GNPNAT1: variants seen among roughly 807,000 people sequenced by gnomAD.
GNPNAT1 encodes the protein glucosamine 6-phosphate N-acetyltransferase.
A neutral mutation model predicts 19.8 loss-of-function variants in GNPNAT1; 11 were observed. The observed-to-expected ratio is 0.56, with a 90% confidence interval of 0.35 to 0.92. GNPNAT1 has a LOEUF of 0.92. Ranked by LOEUF, GNPNAT1 falls within the 40% of genes least tolerant of loss-of-function variation. The pLI, the probability that GNPNAT1 is intolerant of heterozygous loss-of-function variation, is 0.01. For missense variants in GNPNAT1, 157 were observed against 211.0 expected (o/e 0.74, Z 1.59); for synonymous variants, 71 against 72.3 (o/e 0.98, Z 0.09).
rs548319960 is a variant in GNPNAT1, at chr14:52,779,619, C to T, written c.407+1060G>A. Among the ~76,000 whole-genome samples the T allele has an allele frequency of 6.2e-5, 9 of 144,724 alleles. 1 individual carries two copies. The South Asian group carries it at 1.4e-3, about 22-fold the overall frequency. The allele number at this position is 144,724 out of a possible 152,430, so 94.9% of individuals were successfully genotyped here. A position where few individuals can be genotyped will look rare whatever the true frequency, so the allele number is the denominator to read the frequency against. ...CCTGTAGTCCCAGCTACTTGGGAGG[C>T]TGAGGCGAGAGGCTCACTTGAGCCC... On this transcript the variant is annotated intron_variant, in intron 5 of 5. Coordinates refer to ENST00000216410, the MANE Select transcript of GNPNAT1 (RefSeq NM_198066.4).
chr14:52,779,762 T>C (rs577035231), intron 5 of GNPNAT1, among the ~76,000 whole-genome samples: 93 of 139,434 alleles, frequency 6.7e-4, no homozygotes, highest in African/African-American at 1.9e-3. Context: ...ATAAATTATA[T>C]AGACTAGAAC....
Position 52,776,387 on chromosome 14 carries a change from T to C in GNPNAT1, c.*1924A>G, listed in dbSNP as rs535556742. ...TGTCCTCAATGACACAATTTTTGTA[T>C]GGTGTACCTTACCTGTAATTCTATT... On this transcript the variant is annotated 3_prime_UTR_variant, in exon 6 of 6. Coordinates refer to ENST00000216410, the MANE Select transcript of GNPNAT1 (RefSeq NM_198066.4). 6.6e-6 allele frequency: 1 copy of C among 152,236 alleles called. No homozygotes were observed. The highest frequency in any genetic ancestry group is 2.4e-5 in the African/African-American group (1 of 41,464). The allele number at this position is 152,236 out of a possible 1,614,324, so 9.4% of individuals were successfully genotyped here. A position where few individuals can be genotyped will look rare whatever the true frequency, so the allele number is the denominator to read the frequency against.
chr14:52,781,969 A>G, intron 3 of GNPNAT1, 58 bp from the exon 4 acceptor site: 1 of 1,468,636 alleles, frequency 6.8e-7, no homozygotes, highest in Non-Finnish European at 9.2e-7. Flanking sequence ...ATGGGGAGCC[A>G]GAAAAATATT....
Position 52,777,242 on chromosome 14 carries a change from T to A in GNPNAT1, c.*1069A>T, listed in dbSNP as rs1173857266. 1 of 152,644 alleles carries A rather than the reference T, an allele frequency of 6.6e-6. No individual in the cohort carries two copies. Among genetic ancestry groups the A allele is most frequent in the Non-Finnish European group, 1.5e-5 (1 of 68,040 alleles). 9.5% of individuals were successfully genotyped at this position (152,644 alleles called of 1,614,324 possible). On this transcript the variant is annotated 3_prime_UTR_variant, in exon 6 of 6. Transcript: ENST00000216410. ...AGCAGACTCAAGAAAAGCACAGATG[T>A]GATTCTAACAGAAGACTACTCATAT... is the stretch of plus-strand genomic sequence containing the variant.
chr14:52,786,309 G>A (rs1005738425), intron 1 of GNPNAT1, among the ~76,000 whole-genome samples: 15 of 151,624 alleles, frequency 9.9e-5, no homozygotes, highest in African/African-American at 3.6e-4. Context: ...GGTCAAGACC[G>A]GCCTGACCAA....
Position 52,775,712 on chromosome 14 carries a change from T to TAAGA in GNPNAT1, c.*2595_*2598dup, listed in dbSNP as rs1366602522. 6.6e-6 allele frequency: 1 copy of TAAGA among 151,528 alleles called. No individual in the cohort carries two copies. 9.4% of individuals were successfully genotyped at this position (151,528 alleles called of 1,614,324 possible). ...TTTGAGACCGGCTTGGGCAATATAG[T>TAAGA]AAGACCCCACAGAAAAATGTAAAGC... On this transcript the variant is annotated 3_prime_UTR_variant, in exon 6 of 6. Transcript: ENST00000216410.
chr14:52,783,418 CT>C lies in GNPNAT1; in HGVS notation c.217+4del. 1 of 1,585,628 alleles carries C rather than the reference CT, an allele frequency of 6.3e-7. No individual in the cohort carries two copies. Among genetic ancestry groups the C allele is most frequent in the Non-Finnish European group, 8.7e-7 (1 of 1,155,454 alleles). ...ATTTCAGGAAAAAGAGGTTATAGTA[CT>C]TACTCATAAATTGTTCAGGGCTGAC... On this transcript the variant is annotated splice_donor_region_variant and intron_variant, in intron 3 of 5. Transcript: ENST00000216410.
rs142546878 is a variant in GNPNAT1 at position 52,780,033 on chromosome 14, G to A, written c.407+646C>T. Among the ~76,000 whole-genome samples the A allele has an allele frequency of 6.8e-4, 103 of 152,150 alleles. 2 individuals carry two copies. The East Asian group carries it at 0.018, about 27-fold the overall frequency. ...ACAAATTTTTAAAAATTAGCCAGGT[G>A]TGGCGTGTACCTGTAGTCCCAGCTA... On this transcript the variant is annotated intron_variant, in intron 5 of 5. Transcript: ENST00000216410.
In GNPNAT1 at chr14:52,778,268, G is replaced by A. The variant is rs374647805; in HGVS notation, c.*43C>T. ...ATATTTCAACTCTAGGAAGAGTGTA[G>A]CCTTGTAGCATTAGCCCCTTTGACA... On this transcript the variant is annotated 3_prime_UTR_variant, in exon 6 of 6. Coordinates refer to ENST00000216410, the MANE Select transcript of GNPNAT1 (RefSeq NM_198066.4). 21 of 1,467,036 alleles carry A rather than the reference G, an allele frequency of 1.4e-5. No individual in the cohort carries two copies. In the African/African-American group the frequency reaches 2.7e-4, roughly 19 times the overall value. 90.9% of individuals were successfully genotyped at this position (1,467,036 alleles called of 1,614,324 possible).
At chr14:52,781,442 A>G (rs555563179) in intron 4 of GNPNAT1, among the ~76,000 whole-genome samples, 1 of 152,242 alleles carries the variant, frequency 6.6e-6, no homozygotes, top group Admixed American at 6.5e-5. Flanking sequence ...TCATAATTAG[A>G]ACGGAATAAT....
chr14:52,778,486 G>A (rs1036783267), intron 5 of GNPNAT1, 28 bp from the exon 6 acceptor site: 2 of 1,565,912 alleles, frequency 1.3e-6, no homozygotes, highest in African/African-American at 2.8e-5. Context: ...GGTAGGGTGA[G>A]GAGATAGCAT....
In GNPNAT1 at chr14:52,775,645, A is replaced by ATACTC. The variant is rs1257415864; in HGVS notation, c.*2661_*2665dup. ...CGGTAGCCGACATATGTAATCCCAG[A>ATACTC]TACTCTGGAGGCTGAGGCAGAGGAT... On this transcript the variant is annotated 3_prime_UTR_variant, in exon 6 of 6. Transcript: ENST00000216410. 2 of 152,200 alleles carry ATACTC rather than the reference A, an allele frequency of 1.3e-5. No individual in the cohort carries two copies. The highest frequency in any genetic ancestry group is 4.8e-5 in the African/African-American group (2 of 41,452). The allele number at this position is 152,200 out of a possible 1,614,324, so 9.4% of individuals were successfully genotyped here.
chr14:52,777,627 A>G lies in GNPNAT1; in HGVS notation c.*684T>C, dbSNP rs551239816. On this transcript the variant is annotated 3_prime_UTR_variant, in exon 6 of 6. Transcript: ENST00000216410. ...GCTCTTAGGTATTTTTAACAAATGA[A>G]TAGTCATAATTCACAGAAAAGACAA... 2 of 152,362 alleles carry G rather than the reference A, an allele frequency of 1.3e-5. No individual in the cohort carries two copies. Among genetic ancestry groups the G allele is most frequent in the Admixed American group, 6.5e-5 (1 of 15,304 alleles). 9.4% of individuals were successfully genotyped at this position (152,362 alleles called of 1,614,324 possible).
At chr14:52,789,382 C>T (rs1426122125) in intron 1 of GNPNAT1, among the ~76,000 whole-genome samples, 3 of 152,172 alleles carry the variant, frequency 2.0e-5, no homozygotes, top group Non-Finnish European at 2.9e-5. Flanking sequence ...AAAATTAAGT[C>T]ATAAGCAGCA....
At chr14:52,784,396 A>G in intron 2 of GNPNAT1, 101 bp downstream of exon 2, 1 of 937,022 alleles carries the variant, frequency 1.1e-6, no homozygotes, top group Non-Finnish European at 1.5e-6. Flanking sequence ...TATACAAAAA[A>G]TAGTCCAAAA....
Position 52,784,519 on chromosome 14 carries a change from AAG to A in GNPNAT1, c.130_131del (p.Cys45TyrfsTer3). The stretch of plus-strand genomic sequence containing the variant: ...TACCTCTATTTAAGTCAGCAGTACA[AAG>A]AGGCCTCAAAACCAAGCCTTCTCCA... ...HPGEGLVLRP[L>X]CTADLNRGFF... On this transcript the variant is annotated frameshift_variant, in exon 2 of 6. Transcript: ENST00000216410. LOFTEE classifies it high-confidence loss of function. 6.2e-7 allele frequency: 1 copy of A among 1,601,318 alleles called. No individual in the cohort carries two copies.
rs1882767662 is a variant in GNPNAT1, at chr14:52,777,543, AT to A, written c.*767del. On this transcript the variant is annotated 3_prime_UTR_variant, in exon 6 of 6. Transcript: ENST00000216410. ...AAGAAAAAAATCAGGGTAGAAACAC[AT>A]AGGCTGAGGTTTGCTAATTCACTGT... 6.6e-6 allele frequency: 1 copy of A among 152,204 alleles called. No homozygotes were observed. Among genetic ancestry groups the A allele is most frequent in the Admixed American group, 6.5e-5 (1 of 15,270 alleles). The allele number at this position is 152,204 out of a possible 1,614,324, so 9.4% of individuals were successfully genotyped here. A position where few individuals can be genotyped will look rare whatever the true frequency, so the allele number is the denominator to read the frequency against.
At chr14:52,780,406 A>C (rs1314120380) in intron 5 of GNPNAT1, among the ~76,000 whole-genome samples, 2 of 152,140 alleles carry the variant, frequency 1.3e-5, no homozygotes, top group Non-Finnish European at 2.9e-5. Flanking sequence ...GATTAGCCCA[A>C]AAGTTTATCT....
chr14:52,785,124 C>T (rs1882983673), intron 1 of GNPNAT1, among the ~76,000 whole-genome samples: 1 of 151,606 alleles, frequency 6.6e-6, no homozygotes, highest in Admixed American at 6.6e-5. Context: ...GACGGGATTT[C>T]GCCGTGTTAG....
Sources: gnomAD v4.1 joint callset for allele counts (sites outside exome capture counted in the v4.1 genomes callset) on GRCh38, gnomAD v4.1.1 for gene constraint, MANE v1.5 for transcripts, NCBI Gene and HGNC (gene_info 2026-07-23, HGNC 2026-07-21) for gene names.